EHBP1: variants seen among roughly 807,000 people sequenced by gnomAD.
EHBP1 encodes EH domain-binding protein 1.
A neutral mutation model predicts 144.0 loss-of-function variants in EHBP1; 55 were observed. That is an observed-to-expected ratio of 0.38 (90% CI 0.31 to 0.48). The LOEUF (loss-of-function observed/expected upper bound fraction) is 0.48. EHBP1 is among the 20% of genes least tolerant of loss of function. EHBP1 has a pLI of 0.98. For missense variants in EHBP1, 1,200 were observed against 1,364.2 expected, an observed-to-expected ratio of 0.88 and a Z score of 1.90; for synonymous variants, 469 against 472.7, an observed-to-expected ratio of 0.99 and a Z score of 0.10.
At chr2:62,680,193 C>A (rs927282534) in intron 1 of EHBP1, among the ~76,000 whole-genome samples, 1 of 152,198 alleles carries the variant, frequency 6.6e-6, no homozygotes, top group African/African-American at 2.4e-5. Flanking sequence ...GAGAGCTACT[C>A]CTATACAAAG....
At chr2:62,993,745 A>ACTATATATATAT in intron 17 of EHBP1, 77 bp downstream of exon 17, 1 of 738,444 alleles carries the variant, frequency 1.4e-6, no homozygotes, top group Non-Finnish European at 1.8e-6. Context: ...ATATATATAT[A>ACTATATATATAT]GTATATATAT....
intron 5 of EHBP1, among the ~76,000 whole-genome samples, chr2:62,825,361 T>C (rs1190620139): frequency 6.6e-6 from 1 of 152,070 alleles, no homozygotes; most frequent in African/African-American, 2.4e-5. Flanking sequence ...GTTAAGTACT[T>C]TTGATAGCAA....
intron 10 of EHBP1, among the ~76,000 whole-genome samples, chr2:62,886,281 A>G (rs1170882659): frequency 6.6e-6 from 1 of 152,238 alleles, no homozygotes; most frequent in African/African-American, 2.4e-5. Flanking sequence ...GAAAATGTCA[A>G]ACCTTTCAAG....
At chr2:62,761,145 TTATC>T (rs1245366054) in intron 3 of EHBP1, among the ~76,000 whole-genome samples, 4 of 152,116 alleles carry the variant, frequency 2.6e-5, no homozygotes, top group African/African-American at 4.8e-5. Flanking sequence ...TTTTGATTGA[TTATC>T]TAGGGTGCAC....
chr2:62,743,189 G>C (rs2038874075), intron 2 of EHBP1, among the ~76,000 whole-genome samples: 1 of 151,972 alleles, frequency 6.6e-6, no homozygotes, highest in South Asian at 2.1e-4. Flanking sequence ...TATTTTTAAT[G>C]CCTGTGTGAT....
At chr2:62,705,007 G>A (rs1341502070), upstream of EHBP1, among the ~76,000 whole-genome samples, 6 of 152,118 alleles carry the variant, frequency 3.9e-5, no homozygotes, top group Admixed American at 3.9e-4. Flanking sequence ...TGAAGACTCC[G>A]AACAATAAGA....
At chr2:62,862,018 C>G (rs2049597369) in intron 8 of EHBP1, among the ~76,000 whole-genome samples, 1 of 151,942 alleles carries the variant, frequency 6.6e-6, no homozygotes, top group Non-Finnish European at 1.5e-5. Flanking sequence ...GTCTCTCTTC[C>G]CTTATGGAGA....
At chr2:63,026,365 GAGAA>G (rs754949257) in intron 19 of EHBP1, among the ~76,000 whole-genome samples, 5 of 151,126 alleles carry the variant, frequency 3.3e-5, no homozygotes, top group Middle Eastern at 3.2e-3. Flanking sequence ...TAGAGAGTGA[GAGAA>G]AGAAAGAAAC....
At chr2:62,934,218 T>A (rs2056210700) in intron 10 of EHBP1, among the ~76,000 whole-genome samples, 1 of 152,226 alleles carries the variant, frequency 6.6e-6, no homozygotes, top group South Asian at 2.1e-4. Flanking sequence ...ATACTTGGTA[T>A]TTTTAATTTC....
At chr2:62,925,782 C>T (rs190875215) in intron 10 of EHBP1, among the ~76,000 whole-genome samples, 1 of 152,210 alleles carries the variant, frequency 6.6e-6, no homozygotes, top group African/African-American at 2.4e-5. Flanking sequence ...GGAAAGTCAT[C>T]CCAACCTCAT....
chr2:62,900,139 C>A (rs1407305687), intron 10 of EHBP1, among the ~76,000 whole-genome samples: 1 of 152,128 alleles, frequency 6.6e-6, no homozygotes, highest in Non-Finnish European at 1.5e-5. Flanking sequence ...GCATTAACTA[C>A]TAGACCCAAG....
At chr2:62,967,885 TC>T (rs896229373) in intron 14 of EHBP1, among the ~76,000 whole-genome samples, 27 of 152,204 alleles carry the variant, frequency 1.8e-4, no homozygotes, top group African/African-American at 6.3e-4. Flanking sequence ...CTTTTTTTTT[TC>T]ATCTCAAATG....
chr2:62,924,191 C>G (rs2055319876), intron 10 of EHBP1, among the ~76,000 whole-genome samples: 1 of 152,184 alleles, frequency 6.6e-6, no homozygotes, highest in African/African-American at 2.4e-5. Flanking sequence ...ATGAACAGCC[C>G]TATGCTTGTT....
In EHBP1 at chr2:62,705,743, A is replaced by T. The variant is rs1462825367; in HGVS notation, c.-605A>T. The T allele has an allele frequency of 6.9e-6, 1 of 144,282 alleles. No homozygotes were observed. The highest frequency in any genetic ancestry group is 2.2e-4 in the East Asian group (1 of 4,616). The allele number at this position is 144,282 out of a possible 1,614,324, so 8.9% of individuals were successfully genotyped here. On this transcript the variant is annotated 5_prime_UTR_variant, in exon 1 of 23. The change abolishes an upstream ATG in the 5' untranslated region. Transcript: ENST00000431489. ...GAGAGGTGCGGCGGGGGAGGTAATG[A>T]TGATGGTGGCGGAGGAGAAAGGCGG...
chr2:62,802,509 G>A (rs1004771082), intron 5 of EHBP1, among the ~76,000 whole-genome samples: 2 of 152,110 alleles, frequency 1.3e-5, no homozygotes, highest in Non-Finnish European at 2.9e-5. Context: ...ATACTTTTGA[G>A]AAAGTTACAC....
intron 3 of EHBP1, among the ~76,000 whole-genome samples, chr2:62,756,892 T>C (rs905765209): frequency 6.6e-6 from 1 of 152,090 alleles, no homozygotes; most frequent in Non-Finnish European, 1.5e-5. Flanking sequence ...TTATAAAAGT[T>C]AAGCAACTGA....
At chr2:62,950,363 C>G (rs868802865) in intron 13 of EHBP1, among the ~76,000 whole-genome samples, 4 of 152,070 alleles carry the variant, frequency 2.6e-5, no homozygotes, top group Non-Finnish European at 5.9e-5. Context: ...TGTGATATCT[C>G]AACAGATTGA....
At position 62,706,912 on chromosome 2, in the gene EHBP1, A is replaced by G. The variant is rs1020440423; in HGVS notation, c.-280A>G. The G allele has an allele frequency of 1.2e-5, 4 of 339,138 alleles. No homozygotes were observed. In the Admixed American group the frequency reaches 1.3e-4, roughly 11 times the overall value. The allele number at this position is 339,138 out of a possible 1,614,324, so 21.0% of individuals were successfully genotyped here. On this transcript the variant is annotated 5_prime_UTR_variant, in exon 2 of 23. Coordinates refer to ENST00000431489, the MANE Select transcript of EHBP1 (RefSeq NM_001142616.3). ...TGCTTTTCAGCCCTCCAGAATACCCATCATATAGCCCCTGAGGTGGCATGG... is the reference window on the plus strand; with the variant it reads ...TGCTTTTCAGCCCTCCAGAATACCCGTCATATAGCCCCTGAGGTGGCATGG...
chr2:62,981,160 C>T (rs2058951204), intron 15 of EHBP1, among the ~76,000 whole-genome samples: 1 of 151,508 alleles, frequency 6.6e-6, no homozygotes, highest in African/African-American at 2.4e-5. Flanking sequence ...GCAATTTCTA[C>T]ATTCTCTACT....
Sources: allele counts gnomAD v4.1 joint callset (sites outside exome capture counted in the v4.1 genomes callset), GRCh38; gene constraint gnomAD v4.1.1; transcripts MANE v1.5; gene names NCBI Gene and HGNC (gene_info 2026-07-23, HGNC 2026-07-21).